The following KCNIP4 variants were observed in gnomAD, a reference collection of about 807,000 sequenced individuals.
KCNIP4 encodes Kv channel-interacting protein 4.
In KCNIP4, 12 loss-of-function variants were observed where a neutral mutation model predicts 34.0. The ratio of observed to expected loss-of-function variants is 0.35; its 90% CI spans 0.23 to 0.57. The LOEUF is 0.57. KCNIP4 is among the 20% of genes least tolerant of loss of function. The pLI, the probability that KCNIP4 is intolerant of heterozygous loss-of-function variation, is 0.83. For synonymous variants in KCNIP4, 124 were observed against 102.2 expected (o/e 1.21, Z -1.29); for missense variants, 238 against 311.7 (o/e 0.76, Z 1.78).
chr4:21,528,375 A>G (rs924017535), intron 1 of KCNIP4, among the ~76,000 whole-genome samples: 9 of 152,096 alleles, frequency 5.9e-5, no homozygotes, highest in African/African-American at 2.2e-4. Flanking sequence ...TCCTCCATAG[A>G]AACAGAAACT....
At chr4:21,264,797 C>T (rs182344494) in intron 1 of KCNIP4, among the ~76,000 whole-genome samples, 7 of 152,196 alleles carry the variant, frequency 4.6e-5, no homozygotes, top group East Asian at 1.9e-4. Context: ...AAAGATGTAA[C>T]ATTTAAAGCG....
intron 1 of KCNIP4, among the ~76,000 whole-genome samples, chr4:21,871,342 C>T (rs1395999905): frequency 4.7e-5 from 7 of 147,892 alleles, no homozygotes; most frequent in East Asian, 4.1e-4. Flanking sequence ...CACATGCACA[C>T]GTATGTTTAC....
chr4:21,341,444 T>G (rs1578101101), intron 1 of KCNIP4, among the ~76,000 whole-genome samples: 1 of 152,150 alleles, frequency 6.6e-6, no homozygotes, highest in African/African-American at 2.4e-5. Flanking sequence ...TGCAAACATG[T>G]GGATAAAACA....
At chr4:21,538,258 G>A (rs1318179923) in intron 1 of KCNIP4, among the ~76,000 whole-genome samples, 1 of 152,074 alleles carries the variant, frequency 6.6e-6, no homozygotes, top group Non-Finnish European at 1.5e-5. Flanking sequence ...CTCCAGAAGT[G>A]TCAGATAGTA....
Position 21,047,875 on chromosome 4 carries a change from G to C in KCNIP4, c.62-165166C>G, listed in dbSNP as rs78947077. 6.4e-3 allele frequency among the ~76,000 whole-genome samples: 980 copies of C among 152,172 alleles called. 9 individuals carry two copies. Among genetic ancestry groups the C allele is most frequent in the Non-Finnish European group, 7.6e-3 (518 of 68,008 alleles). On this transcript the variant is annotated intron_variant, in intron 1 of 8. Transcript: ENST00000382152. The stretch of plus-strand genomic sequence containing the variant: ...TCATCTTTACTCATTCTCCTTTAAA[G>C]CTCATCAGATCATTTTTAAAAATAA...
chr4:20,759,912 C>T (rs1282375845), intron 3 of KCNIP4, among the ~76,000 whole-genome samples: 10 of 152,096 alleles, frequency 6.6e-5, no homozygotes, highest in East Asian at 1.9e-4. Flanking sequence ...CCAGGACCAC[C>T]GCGGATACCA....
intron 1 of KCNIP4, among the ~76,000 whole-genome samples, chr4:21,707,128 T>C (rs948441151): frequency 4.6e-5 from 7 of 152,148 alleles, no homozygotes; most frequent in Admixed American, 2.0e-4. Flanking sequence ...TAGGTCTAAA[T>C]TGACCACAAA....
chr4:21,899,041 G>C (rs1233975323), intron 1 of KCNIP4, among the ~76,000 whole-genome samples: 2 of 152,172 alleles, frequency 1.3e-5, no homozygotes, highest in Non-Finnish European at 2.9e-5. Flanking sequence ...ATTGTGATTT[G>C]TGTCAGCTTA....
intron 1 of KCNIP4, among the ~76,000 whole-genome samples, chr4:21,057,698 G>T (rs977051356): frequency 6.6e-6 from 1 of 152,148 alleles, no homozygotes; most frequent in African/African-American, 2.4e-5. Context: ...CGTCTTTGAG[G>T]TGAGAATTAT....
chr4:21,390,060 G>C (rs193203887), intron 1 of KCNIP4, among the ~76,000 whole-genome samples: 2 of 150,160 alleles, frequency 1.3e-5, no homozygotes, highest in Admixed American at 1.3e-4. Context: ...CAGTGATGAT[G>C]AGCATTTTTT....
At chr4:21,823,073 A>G (rs1722460783) in intron 1 of KCNIP4, among the ~76,000 whole-genome samples, 1 of 152,146 alleles carries the variant, frequency 6.6e-6, no homozygotes, top group African/African-American at 2.4e-5. Context: ...TTTCCTGATT[A>G]TAATTATAAT....
At chr4:20,951,806 G>T (rs1005340011) in intron 1 of KCNIP4, among the ~76,000 whole-genome samples, 1 of 152,190 alleles carries the variant, frequency 6.6e-6, no homozygotes, top group East Asian at 1.9e-4. Context: ...AGTAGTTGAA[G>T]ATAGCACAAT....
At chr4:21,749,682 T>A (rs577464888) in intron 1 of KCNIP4, among the ~76,000 whole-genome samples, 4 of 152,114 alleles carry the variant, frequency 2.6e-5, no homozygotes, top group Non-Finnish European at 5.9e-5. Context: ...CTCCCATCAC[T>A]GCCCTCCACA....
At chr4:20,826,702 C>A (rs1469303932) in intron 3 of KCNIP4, among the ~76,000 whole-genome samples, 1 of 151,972 alleles carries the variant, frequency 6.6e-6, no homozygotes, top group East Asian at 1.9e-4. Flanking sequence ...TAACTTTGAC[C>A]CAGAAGAAAT....
intron 1 of KCNIP4, among the ~76,000 whole-genome samples, chr4:21,274,128 T>C (rs957385922): frequency 6.6e-6 from 1 of 152,154 alleles, no homozygotes; most frequent in African/African-American, 2.4e-5. Context: ...TACAAATTAT[T>C]TTAAAGACTT....
chr4:20,947,711 TAACAACAAC>T, intron 1 of KCNIP4, among the ~76,000 whole-genome samples: 1 of 152,338 alleles, frequency 6.6e-6, no homozygotes, highest in Middle Eastern at 3.4e-3. Flanking sequence ...GAATGAATCA[TAACAACAAC>T]AACAACAGTC....
intron 1 of KCNIP4, among the ~76,000 whole-genome samples, chr4:21,862,431 A>G (rs908041140): frequency 6.6e-6 from 1 of 152,230 alleles, no homozygotes; most frequent in Admixed American, 6.5e-5. Context: ...AAAAGAGATA[A>G]GAATACATAA....
At chr4:20,732,588 C>T in intron 7 of KCNIP4, 93 bp downstream of exon 7, 3 of 778,612 alleles carry the variant, frequency 3.9e-6, no homozygotes, top group South Asian at 3.0e-5. Flanking sequence ...AATTATTTTC[C>T]TTTGCTCTCT....
At chr4:21,702,075 T>G (rs1712898745) in intron 1 of KCNIP4, among the ~76,000 whole-genome samples, 1 of 152,118 alleles carries the variant, frequency 6.6e-6, no homozygotes. Flanking sequence ...AATAGATATG[T>G]TGTTCAATGC....
Sources: gnomAD v4.1 joint callset for allele counts (sites outside exome capture counted in the v4.1 genomes callset) on GRCh38, gnomAD v4.1.1 for gene constraint, MANE v1.5 for transcripts, NCBI Gene and HGNC (gene_info 2026-07-23, HGNC 2026-07-21) for gene names.